Variants in KCTD8 observed in about 807,000 individuals in gnomAD.
KCTD8 encodes BTB/POZ domain-containing protein KCTD8.
A neutral mutation model predicts 31.5 loss-of-function variants in KCTD8; 27 were observed. The ratio of observed to expected loss-of-function variants is 0.86; its 90% CI spans 0.63 to 1.18. The LOEUF (loss-of-function observed/expected upper bound fraction) is 1.18. KCTD8 is among the 50% of genes most tolerant of loss of function. KCTD8 has a pLI of 0.00. For missense variants in KCTD8, 658 were observed against 647.7 expected, an observed-to-expected ratio of 1.02 and a Z score of -0.17; for synonymous variants, 290 against 280.0, an observed-to-expected ratio of 1.04 and a Z score of -0.36.
chr4:44,224,262 C>T (rs1714886167), intron 1 of KCTD8, among the ~76,000 whole-genome samples: 1 of 152,134 alleles, frequency 6.6e-6, no homozygotes, highest in South Asian at 2.1e-4. Context: ...TGACAAAGAC[C>T]TAACTGCTTA....
chr4:44,321,481 T>C (rs1251910022), intron 1 of KCTD8, among the ~76,000 whole-genome samples: 3 of 152,138 alleles, frequency 2.0e-5, no homozygotes, highest in African/African-American at 4.8e-5. Context: ...TTTTTTGATA[T>C]ATCATAATAG....
At chr4:44,237,235 C>T (rs1715319691) in intron 1 of KCTD8, among the ~76,000 whole-genome samples, 3 of 149,008 alleles carry the variant, frequency 2.0e-5, no homozygotes, top group Non-Finnish European at 3.0e-5. Context: ...TTTATGCTCC[C>T]TTTTTTTTTT....
In KCTD8 at chr4:44,337,861, T is replaced by A. The variant is rs541314612; in HGVS notation, c.961+109702A>T. On this transcript the variant is annotated intron_variant, in intron 1 of 1. Coordinates refer to ENST00000360029, the MANE Select transcript of KCTD8 (RefSeq NM_198353.3). The stretch of plus-strand genomic sequence containing the variant: ...TATATCCTGGTCACAGGAATAGTAC[T>A]AATATTTTATTCTGCTTAATAATGC... Among the ~76,000 whole-genome samples, 3 of 152,058 alleles carry A rather than the reference T, an allele frequency of 2.0e-5. No homozygotes were observed. In the East Asian group the frequency reaches 5.8e-4, roughly 29 times the overall value.
intron 1 of KCTD8, among the ~76,000 whole-genome samples, chr4:44,222,154 G>T (rs527469451): frequency 1.3e-5 from 2 of 152,310 alleles, no homozygotes; most frequent in South Asian, 4.1e-4. Flanking sequence ...AAGCAGAATT[G>T]CTGTGAGATC....
chr4:44,278,059 G>A (rs1478651801), intron 1 of KCTD8, among the ~76,000 whole-genome samples: 1 of 151,944 alleles, frequency 6.6e-6, no homozygotes, highest in Non-Finnish European at 1.5e-5. Context: ...TTAGTCTTGA[G>A]TTCCTGACAC....
intron 1 of KCTD8, among the ~76,000 whole-genome samples, chr4:44,259,335 C>T (rs534236191): frequency 6.6e-6 from 1 of 151,874 alleles, no homozygotes; most frequent in East Asian, 1.9e-4. Flanking sequence ...ATATAATCAG[C>T]CGGTTTCTCT....
intron 1 of KCTD8, among the ~76,000 whole-genome samples, chr4:44,324,447 T>G (rs1315475283): frequency 2.6e-5 from 4 of 152,036 alleles, no homozygotes; most frequent in African/African-American, 9.7e-5. Flanking sequence ...TTCAGGGAAA[T>G]TTGCATGTCT....
intron 1 of KCTD8, among the ~76,000 whole-genome samples, chr4:44,193,780 T>C (rs1713840157): frequency 6.6e-6 from 1 of 152,160 alleles, no homozygotes; most frequent in African/African-American, 2.4e-5. Flanking sequence ...TTTTTGTTGT[T>C]GTTGTTGTTG....
chr4:44,305,033 A>G (rs1323068133), intron 1 of KCTD8, among the ~76,000 whole-genome samples: 1 of 152,068 alleles, frequency 6.6e-6, no homozygotes, highest in Non-Finnish European at 1.5e-5. Flanking sequence ...GTTTTACATT[A>G]AAATAGTATA....
intron 1 of KCTD8, among the ~76,000 whole-genome samples, chr4:44,194,815 C>CCCTTCCTTCCTTCCTT (rs1167841653): frequency 1.4e-4 from 13 of 94,764 alleles, no homozygotes; most frequent in African/African-American, 6.6e-4. Flanking sequence ...CTCCCTCCCT[C>CCCTTCCTTCCTTCCTT]CCTTCCTTCC....
rs554246237 is a variant in KCTD8, at chr4:44,327,129, T to C, written c.961+120434A>G. On this transcript the variant is annotated intron_variant, in intron 1 of 1. Transcript: ENST00000360029. ...AAATGCAGTTCAAACAAGTGAAACA[T>C]ATAAAGTCAGAGGTCAAAAGACATT... 5.9e-5 allele frequency among the ~76,000 whole-genome samples: 9 copies of C among 152,062 alleles called. No individual in the cohort carries two copies. The East Asian group carries it at 1.7e-3, about 29-fold the overall frequency.
At chr4:44,258,287 T>C (rs1267073671) in intron 1 of KCTD8, among the ~76,000 whole-genome samples, 1 of 151,968 alleles carries the variant, frequency 6.6e-6, no homozygotes, top group Admixed American at 6.6e-5. Context: ...AGAATATATA[T>C]TTGAAACAGA....
chr4:44,394,996 T>C (rs1037949206), intron 1 of KCTD8, among the ~76,000 whole-genome samples: 3 of 152,062 alleles, frequency 2.0e-5, no homozygotes, highest in African/African-American at 7.2e-5. Context: ...TCAGGCATGA[T>C]AGTTGTGTTT....
At chr4:44,351,880 T>A (rs1215178118) in intron 1 of KCTD8, among the ~76,000 whole-genome samples, 4 of 152,104 alleles carry the variant, frequency 2.6e-5, no homozygotes, top group Non-Finnish European at 4.4e-5. Context: ...TATTTCCAAC[T>A]TATTCAGTCA....
rs141996470 is a variant in KCTD8, at chr4:44,209,141, G to C, written c.962-33891C>G. ...CCCCTCACAAGCAGTAATATTTAATGATCTGTTAAAATGGGGTTTTCTGAA... is the reference window on the plus strand; with the variant it reads ...CCCCTCACAAGCAGTAATATTTAATCATCTGTTAAAATGGGGTTTTCTGAA... On this transcript the variant is annotated intron_variant, in intron 1 of 1. Transcript: ENST00000360029. Among the ~76,000 whole-genome samples, 1,063 of 152,178 alleles carry C rather than the reference G, an allele frequency of 7.0e-3. 18 individuals carry two copies. Among genetic ancestry groups the C allele is most frequent in the African/African-American group, 0.024 (998 of 41,534 alleles).
intron 1 of KCTD8, among the ~76,000 whole-genome samples, chr4:44,318,244 T>C (rs1047949473): frequency 3.9e-5 from 6 of 152,212 alleles, no homozygotes; most frequent in African/African-American, 9.7e-5. Context: ...TCTTTCTTTC[T>C]TTCTTTTAGA....
At chr4:44,240,524 C>T (rs144501071) in intron 1 of KCTD8, among the ~76,000 whole-genome samples, 39 of 152,208 alleles carry the variant, frequency 2.6e-4, no homozygotes, top group African/African-American at 7.2e-4. Flanking sequence ...TTATTAGGGA[C>T]GAGGTCTCGA....
intron 1 of KCTD8, among the ~76,000 whole-genome samples, chr4:44,431,203 C>A (rs558127220): frequency 2.0e-5 from 3 of 151,608 alleles, no homozygotes; most frequent in African/African-American, 7.2e-5. Context: ...CAGTTCACAG[C>A]AAAACTGAAT....
At chr4:44,308,178 C>T (rs1007590369) in intron 1 of KCTD8, among the ~76,000 whole-genome samples, 16 of 151,788 alleles carry the variant, frequency 1.1e-4, no homozygotes, top group Admixed American at 5.9e-4. Context: ...AGATGAGAAA[C>T]GAAAACATTT....
Sources: allele counts gnomAD v4.1 joint callset (sites outside exome capture counted in the v4.1 genomes callset), GRCh38; gene constraint gnomAD v4.1.1; transcripts MANE v1.5; gene names NCBI Gene and HGNC (gene_info 2026-07-23, HGNC 2026-07-21).